Variants in OPHN1 observed in about 807,000 individuals in gnomAD.
OPHN1 encodes oligophrenin 1, also known as oligophrenin-1.
In OPHN1, 11 loss-of-function variants were observed where a neutral mutation model predicts 60.7. The observed-to-expected ratio is 0.18, with a 90% confidence interval of 0.11 to 0.30. The LOEUF (loss-of-function observed/expected upper bound fraction) is 0.30, where lower values mean the gene tolerates loss of function less well. Among genes scored for constraint, OPHN1 ranks in the 10% least tolerant of loss-of-function variants. OPHN1 has a pLI of 1.00. For missense variants in OPHN1, 449 were observed against 611.0 expected (o/e 0.73, Z 2.80); for synonymous variants, 226 against 222.6 (o/e 1.02, Z -0.14).
intron 2 of OPHN1, among the ~76,000 whole-genome samples, chrX:68,328,776 C>A (rs911923257): frequency 5.4e-5 from 6 of 111,231 alleles, no homozygotes; most frequent in Non-Finnish European, 1.1e-4. Flanking sequence ...AAAATAAGCA[C>A]GTCACAAAAA....
At chrX:68,425,785 C>A (rs758822763) in intron 2 of OPHN1, among the ~76,000 whole-genome samples, 1 of 77,362 alleles carries the variant, frequency 1.3e-5, no homozygotes, top group Non-Finnish European at 2.5e-5. Flanking sequence ...TTGAGACAGG[C>A]TTGAGCCAAT....
In OPHN1 at chrX:68,053,734, T is replaced by G. The variant is rs773549283; in HGVS notation, c.2235A>C (p.Pro745=). ...PTIIRPPVRP[P]DPPCRAATPQ... is the part of the protein sequence containing the mutation. Reference sequence around the variant, plus strand: ...GAGTAGCTGCCCGGCAGGGAGGATCTGGGGGCCTCACTGGGGGGCGGATGA... The same window carrying G: ...GAGTAGCTGCCCGGCAGGGAGGATCGGGGGGCCTCACTGGGGGGCGGATGA... The change falls in exon 22 of 25, where the codon CCA becomes CCC. Residue 745 remains proline (P), a synonymous_variant. Coordinates refer to ENST00000355520, the MANE Select transcript of OPHN1 (RefSeq NM_002547.3). 1 of 1,208,762 alleles carries G rather than the reference T, an allele frequency of 8.3e-7. No individual in the cohort carries two copies. Among genetic ancestry groups the G allele is most frequent in the South Asian group, 1.8e-5 (1 of 56,595 alleles).
At chrX:68,243,705 C>T (rs959245174) in intron 5 of OPHN1, among the ~76,000 whole-genome samples, 1 of 111,673 alleles carries the variant, frequency 9.0e-6, no homozygotes, top group Non-Finnish European at 1.9e-5. Context: ...TATATTTTAG[C>T]TTAATAAAAG....
At chrX:68,319,622 G>C (rs1217680101) in intron 2 of OPHN1, among the ~76,000 whole-genome samples, 1 of 110,235 alleles carries the variant, frequency 9.1e-6, no homozygotes, top group Admixed American at 9.8e-5. Context: ...TGTAGTCCCA[G>C]CTACTCGAGA....
At chrX:68,269,944 T>C (rs1277006011) in intron 5 of OPHN1, among the ~76,000 whole-genome samples, 1 of 111,980 alleles carries the variant, frequency 8.9e-6, no homozygotes, top group Non-Finnish European at 1.9e-5. Context: ...GAACAGATGC[T>C]TCTCAAAAGA....
chrX:68,143,855 T>A (rs1245417750), intron 15 of OPHN1, among the ~76,000 whole-genome samples: 1 of 111,677 alleles, frequency 9.0e-6, no homozygotes, highest in African/African-American at 3.3e-5. Flanking sequence ...TTGTGTTGTA[T>A]CCTTTGACTG....
rs377594732 is a variant in OPHN1, at chrX:68,394,057, G to A, written c.154+38810C>T. ...ACTACAGGCGCCCGCTACCACGCCC[G>A]GCTAATTTTTTGTATTTTTAGTAGA... On this transcript the variant is annotated intron_variant, in intron 2 of 24. Coordinates refer to ENST00000355520, the MANE Select transcript of OPHN1 (RefSeq NM_002547.3). Among the ~76,000 whole-genome samples the A allele has an allele frequency of 7.5e-5, 8 of 105,998 alleles. No individual in the cohort carries two copies. In the East Asian group the frequency reaches 1.5e-3, roughly 20 times the overall value. The allele number at this position is 105,998 out of a possible 115,157, so 92.0% of individuals were successfully genotyped here.
intron 2 of OPHN1, among the ~76,000 whole-genome samples, chrX:68,367,731 G>A (rs2078506823): frequency 9.0e-6 from 1 of 111,455 alleles, no homozygotes; most frequent in Non-Finnish European, 1.9e-5. Context: ...TTGAATCATG[G>A]GGGCAGTTTC....
intron 2 of OPHN1, among the ~76,000 whole-genome samples, chrX:68,330,959 C>T (rs1236167158): frequency 9.6e-6 from 1 of 104,367 alleles, no homozygotes. Flanking sequence ...ATGCATTCTT[C>T]TTGGCCATGT....
At chrX:68,384,780 C>T (rs1177472750) in intron 2 of OPHN1, among the ~76,000 whole-genome samples, 1 of 111,021 alleles carries the variant, frequency 9.0e-6, no homozygotes, top group African/African-American at 3.3e-5. Flanking sequence ...GAGTTAGAGG[C>T]CATTATTCTA....
chrX:68,298,962 C>T (rs780607784), intron 3 of OPHN1, 39 bp downstream of exon 3: 7 of 883,098 alleles, frequency 7.9e-6, no homozygotes, highest in Middle Eastern at 2.8e-4. Context: ...CTCAGGGCTG[C>T]CTCAACAGGT....
rs149470140 is a variant in OPHN1 at position 68,144,357 on chromosome X, T to A, written c.1277-25025A>T. ...TGGTAACTCAACTGACTAGGCCATG[T>A]TGTACCATAAAGGGTAGCAGTGATA... On this transcript the variant is annotated intron_variant, in intron 15 of 24. Coordinates refer to ENST00000355520, the MANE Select transcript of OPHN1 (RefSeq NM_002547.3). 8.3e-3 allele frequency among the ~76,000 whole-genome samples: 915 copies of A among 110,542 alleles called. 10 individuals are homozygous for A. The highest frequency in any genetic ancestry group is 0.029 in the African/African-American group (873 of 30,310).
intron 15 of OPHN1, among the ~76,000 whole-genome samples, chrX:68,151,928 T>C (rs1382646863): frequency 9.0e-6 from 1 of 111,089 alleles, no homozygotes; most frequent in African/African-American, 3.3e-5. Flanking sequence ...AGGAAACTTA[T>C]AATCATGGTG....
intron 7 of OPHN1, among the ~76,000 whole-genome samples, chrX:68,212,616 C>A (rs753334924): frequency 2.5e-4 from 28 of 111,795 alleles, no homozygotes; most frequent in African/African-American, 8.4e-4. Context: ...ACAACAACAA[C>A]AAAAAACTCC....
chrX:68,232,133 AT>A (rs1269209882), intron 6 of OPHN1, among the ~76,000 whole-genome samples: 1 of 111,976 alleles, frequency 8.9e-6, no homozygotes, highest in African/African-American at 3.2e-5. Flanking sequence ...ATAAAAGGAC[AT>A]CTAGATATAG....
chrX:68,274,651 G>A, intron 5 of OPHN1, 87 bp downstream of exon 5: 1 of 635,670 alleles, frequency 1.6e-6, no homozygotes, highest in Non-Finnish European at 2.6e-6. Flanking sequence ...GCAGATTGGT[G>A]CATATCTTTG....
At chrX:68,115,824 G>T (rs1322848307) in intron 16 of OPHN1, among the ~76,000 whole-genome samples, 1 of 112,116 alleles carries the variant, frequency 8.9e-6, no homozygotes, top group Non-Finnish European at 1.9e-5. Flanking sequence ...AACTATGAGT[G>T]ACCATGGCCT....
chrX:68,132,568 AGG>A (rs1233314501), intron 15 of OPHN1, among the ~76,000 whole-genome samples: 2 of 46,689 alleles, frequency 4.3e-5, no homozygotes, highest in Admixed American at 5.7e-4. Context: ...GGGAGGGGGG[AGG>A]GATAGCATTG....
At chrX:68,266,567 C>A (rs1053429534) in intron 5 of OPHN1, among the ~76,000 whole-genome samples, 6 of 111,580 alleles carry the variant, frequency 5.4e-5, no homozygotes, top group African/African-American at 2.0e-4. Flanking sequence ...CCAGCCACTG[C>A]AAAAACATGC....
Sources: allele counts gnomAD v4.1 joint callset (sites outside exome capture counted in the v4.1 genomes callset), GRCh38; gene constraint gnomAD v4.1.1; transcripts MANE v1.5; gene names NCBI Gene and HGNC (gene_info 2026-07-23, HGNC 2026-07-21).